Variants in LBP observed in about 807,000 individuals in gnomAD.
LBP encodes the protein lipopolysaccharide-binding protein.
In LBP, 53 loss-of-function variants were observed where a neutral mutation model predicts 56.6. That is an observed-to-expected ratio of 0.94 (90% CI 0.75 to 1.18). The LOEUF (loss-of-function observed/expected upper bound fraction) is 1.18. Among genes scored for constraint, LBP ranks in the 50% most tolerant of loss-of-function variants. The probability of loss-of-function intolerance (pLI) is 0.00; values close to 1 mark genes in which losing one functional copy is unlikely to be tolerated. For missense variants in LBP, 601 were observed against 598.3 expected, an observed-to-expected ratio of 1.00 and a Z score of -0.05; for synonymous variants, 227 against 247.5, an observed-to-expected ratio of 0.92 and a Z score of 0.78.
intron 1 of LBP, among the ~76,000 whole-genome samples, chr20:38,347,763 C>T (rs996298716): frequency 7.9e-5 from 12 of 152,136 alleles, no homozygotes; most frequent in African/African-American, 2.4e-4. Context: ...CAAAAAGCCT[C>T]GGGACATACA....
intron 7 of LBP, among the ~76,000 whole-genome samples, 161 bp downstream of exon 7, chr20:38,364,227 A>G (rs556795151): frequency 5.3e-5 from 8 of 152,184 alleles, no homozygotes; most frequent in Non-Finnish European, 1.2e-4. Flanking sequence ...GTGTTTCCAG[A>G]GCTAGGATTC....
chr20:38,364,973 G>A (rs1028354852), intron 8 of LBP, among the ~76,000 whole-genome samples: 7 of 152,276 alleles, frequency 4.6e-5, no homozygotes, highest in Middle Eastern at 3.4e-3. Context: ...GGTGGCTCAC[G>A]CCTGTAATCT....
At chr20:38,354,711 T>C (rs529918128) in intron 4 of LBP, among the ~76,000 whole-genome samples, 1 of 152,168 alleles carries the variant, frequency 6.6e-6, no homozygotes, top group South Asian at 2.1e-4. Context: ...ACAGAAACTT[T>C]GGTTGAAGGA....
At chr20:38,368,910 C>A in intron 9 of LBP, 85 bp from the exon 10 acceptor site, 1 of 1,382,620 alleles carries the variant, frequency 7.2e-7, no homozygotes, top group Non-Finnish European at 1.0e-6. Flanking sequence ...AAAGCAACTT[C>A]CAGCTTTATC....
intron 9 of LBP, among the ~76,000 whole-genome samples, chr20:38,368,776 A>T (rs1386672431): frequency 6.6e-6 from 1 of 152,190 alleles, no homozygotes; most frequent in Non-Finnish European, 1.5e-5. Context: ...GGACCCATAC[A>T]TAACGAAATA....
In LBP at chr20:38,352,616, G is replaced by A. The variant is rs1054796073; in HGVS notation, c.369-1668G>A. Among the ~76,000 whole-genome samples the A allele has an allele frequency of 4.6e-5, 7 of 152,242 alleles. No homozygotes were observed. The East Asian group carries it at 7.7e-4, about 17-fold the overall frequency. Reference sequence around the variant, plus strand: ...CTAAAAATACAAAAATTAGCTGGGCGTAGTGGCGCATGCCTGTAATCTCAG... The same window carrying A: ...CTAAAAATACAAAAATTAGCTGGGCATAGTGGCGCATGCCTGTAATCTCAG... On this transcript the variant is annotated intron_variant, in intron 3 of 14. Transcript: ENST00000217407.
intron 5 of LBP, 88 bp downstream of exon 5, chr20:38,355,497 T>C: frequency 8.4e-7 from 1 of 1,193,252 alleles, no homozygotes; most frequent in Admixed American, 1.7e-5. Context: ...GACCAGGCCA[T>C]GGGGGCTGGT....
At chr20:38,359,913 G>C (rs1034636339) in intron 5 of LBP, among the ~76,000 whole-genome samples, 1 of 152,166 alleles carries the variant, frequency 6.6e-6, no homozygotes, top group Non-Finnish European at 1.5e-5. Context: ...AGCAGGAATG[G>C]GGAATACTGA....
At chr20:38,374,602 A>G (rs1480730553) in intron 14 of LBP, among the ~76,000 whole-genome samples, 1 of 151,038 alleles carries the variant, frequency 6.6e-6, no homozygotes, top group Admixed American at 6.6e-5. Context: ...GTCAAAAAAA[A>G]AAAAAAGAAA....
intron 3 of LBP, among the ~76,000 whole-genome samples, chr20:38,352,827 T>C (rs780872476): frequency 4.1e-5 from 6 of 147,020 alleles, no homozygotes; most frequent in Admixed American, 1.3e-4. Flanking sequence ...TAAAATTATT[T>C]ATTATAAATA....
Position 38,369,172 on chromosome 20 carries a change from A to G in LBP, c.1149+10A>G. 1 of 1,601,024 alleles carries G rather than the reference A, an allele frequency of 6.2e-7. No homozygotes were observed. The highest frequency in any genetic ancestry group is 8.5e-7 in the Non-Finnish European group (1 of 1,174,958). On this transcript the variant is annotated intron_variant, in intron 10 of 14. Transcript: ENST00000217407. ...CTTCCGGCTCAGTGTGGTAAGGTTC[A>G]GAGCCTTTGCAAATGCTGTTTCCTT...
chr20:38,368,363 G>C (rs988688328), intron 9 of LBP, among the ~76,000 whole-genome samples: 1 of 152,182 alleles, frequency 6.6e-6, no homozygotes, highest in Non-Finnish European at 1.5e-5. Flanking sequence ...ACTTTGGGAG[G>C]CTGAGGCGGG....
In LBP at chr20:38,354,373, C is replaced by T. The variant is rs757724440; in HGVS notation, c.458C>T (p.Thr153Ile). Residue 153 changes from threonine (T) to isoleucine (I), a missense_variant, in exon 4 of 15, where the codon ACA becomes ATA. Physicochemically the swap from Thr to Ile is moderately conservative, Grantham distance 89. Coordinates refer to ENST00000217407, the MANE Select transcript of LBP (RefSeq NM_004139.5). The part of the protein sequence containing the change: ...LLGSESSGRP[T>I]VTASSCSSDI... ...GGCAGCGAGTCCTCCGGGAGGCCCA[C>T]AGTTACTGCCTCCAGCTGCAGCAGT... The T allele has an allele frequency of 2.5e-6, 4 of 1,613,658 alleles. No individual in the cohort carries two copies. Among genetic ancestry groups the T allele is most frequent in the Non-Finnish European group, 2.5e-6 (3 of 1,179,930 alleles).
Position 38,376,707 on chromosome 20 carries a change from C to G in LBP, c.*38C>G. 6.4e-7 allele frequency: 1 copy of G among 1,565,950 alleles called. No individual in the cohort carries two copies. The highest frequency in any genetic ancestry group is 8.8e-7 in the Non-Finnish European group (1 of 1,136,318). Reference sequence around the variant, plus strand: ...TGAAGCTTGGAGGTCACAGCTGGATCTGCTTGTTGCATTTCCAGCTGTGCA... The same window carrying G: ...TGAAGCTTGGAGGTCACAGCTGGATGTGCTTGTTGCATTTCCAGCTGTGCA... On this transcript the variant is annotated 3_prime_UTR_variant, in exon 15 of 15. Transcript: ENST00000217407.
chr20:38,361,217 C>T (rs929522887), intron 6 of LBP, among the ~76,000 whole-genome samples: 1 of 151,746 alleles, frequency 6.6e-6, no homozygotes, highest in South Asian at 2.1e-4. Flanking sequence ...TTTTCTCCCC[C>T]ACTTTTCTTC....
At chr20:38,360,929 G>T (rs73621942) in intron 6 of LBP, among the ~76,000 whole-genome samples, 162 bp downstream of exon 6, 3 of 152,128 alleles carry the variant, frequency 2.0e-5, no homozygotes, top group Non-Finnish European at 4.4e-5. Flanking sequence ...CTGGGAGGCC[G>T]AGGCGGGTGG....
intron 7 of LBP, among the ~76,000 whole-genome samples, 174 bp from the exon 8 acceptor site, chr20:38,364,402 T>TCCTCTGG (rs2076873175): frequency 6.6e-6 from 1 of 152,152 alleles, no homozygotes; most frequent in African/African-American, 2.4e-5. Context: ...TGTGGGTTAA[T>TCCTCTGG]GTAGCAAAGC....
intron 13 of LBP, among the ~76,000 whole-genome samples, chr20:38,373,525 GC>G (rs1397147304): frequency 1.3e-5 from 2 of 152,188 alleles, no homozygotes; most frequent in African/African-American, 2.4e-5. Flanking sequence ...AAAAAAGAAA[GC>G]AAAAAACTTA....
intron 10 of LBP, 29 bp from the exon 11 acceptor site, chr20:38,370,709 C>T (rs767464653): frequency 6.2e-7 from 1 of 1,600,006 alleles, no homozygotes; most frequent in Non-Finnish European, 8.6e-7. Context: ...TCATCACTTA[C>T]ACCTGCTTCC....
Sources: gnomAD v4.1 joint callset for allele counts (sites outside exome capture counted in the v4.1 genomes callset) on GRCh38, gnomAD v4.1.1 for gene constraint, MANE v1.5 for transcripts, NCBI Gene and HGNC (gene_info 2026-07-23, HGNC 2026-07-21) for gene names.